FMN2: variants seen among roughly 807,000 people sequenced by gnomAD.
FMN2 encodes formin 2.
FMN2 carries 51 observed loss-of-function variants against 142.3 expected under a neutral mutation model. That is an observed-to-expected ratio of 0.36 (90% CI 0.29 to 0.45). FMN2 has a LOEUF of 0.45. Among genes scored for constraint, FMN2 ranks in the 20% least tolerant of loss-of-function variants. FMN2 has a pLI of 1.00. For synonymous variants in FMN2, 882 were observed against 869.8 expected, an observed-to-expected ratio of 1.01 and a Z score of -0.25; for missense variants, 1,936 against 2,122.8, an observed-to-expected ratio of 0.91 and a Z score of 1.73.
chr1:240,264,015 G>A (rs1668714739), intron 7 of FMN2, among the ~76,000 whole-genome samples: 1 of 152,138 alleles, frequency 6.6e-6, no homozygotes, highest in African/African-American at 2.4e-5. Context: ...TCCATCAGAA[G>A]TACAGTTGAT....
chr1:240,101,069 A>G (rs535050620), intron 1 of FMN2, among the ~76,000 whole-genome samples: 1 of 152,296 alleles, frequency 6.6e-6, no homozygotes, highest in East Asian at 1.9e-4. Flanking sequence ...TAGTGTCAGC[A>G]CTATGGGAAG....
intron 7 of FMN2, among the ~76,000 whole-genome samples, chr1:240,293,387 T>G (rs866677321): frequency 1.3e-5 from 2 of 152,146 alleles, no homozygotes; most frequent in Non-Finnish European, 2.9e-5. Flanking sequence ...GCTGATGAAT[T>G]CCAAAATCAG....
At chr1:240,470,838 TAA>T (rs5782143) in intron 16 of FMN2, among the ~76,000 whole-genome samples, 63,907 of 150,792 alleles carry the variant, frequency 0.42, 14,510 homozygotes, top group African/African-American at 0.6. Flanking sequence ...CCCTTTTTAT[TAA>T]AAAAAAAAAA....
intron 6 of FMN2, among the ~76,000 whole-genome samples, chr1:240,248,303 G>A (rs1668148543): frequency 6.6e-6 from 1 of 151,618 alleles, no homozygotes; most frequent in African/African-American, 2.4e-5. Flanking sequence ...TGCTGCAAAT[G>A]ACATGATTTT....
At chr1:240,327,408 G>C (rs1482429197) in intron 8 of FMN2, among the ~76,000 whole-genome samples, 2 of 152,106 alleles carry the variant, frequency 1.3e-5, no homozygotes, top group Non-Finnish European at 2.9e-5. Context: ...ACCTAGCTTT[G>C]TTTAGGTAGT....
At chr1:240,443,613 C>A (rs544947590) in intron 16 of FMN2, among the ~76,000 whole-genome samples, 1 of 152,114 alleles carries the variant, frequency 6.6e-6, no homozygotes, top group African/African-American at 2.4e-5. Flanking sequence ...ATTAGCCAGG[C>A]GTGTTGGTGC....
At chr1:240,096,215 G>A (rs996622045) in intron 1 of FMN2, among the ~76,000 whole-genome samples, 3 of 152,132 alleles carry the variant, frequency 2.0e-5, no homozygotes, top group Admixed American at 6.5e-5. Context: ...GATATACAAT[G>A]TTTTAAGGCC....
chr1:240,345,639 T>A (rs1572214729), intron 13 of FMN2, among the ~76,000 whole-genome samples: 1 of 152,140 alleles, frequency 6.6e-6, no homozygotes, highest in East Asian at 1.9e-4. Context: ...TGCACCACCA[T>A]GACCGGCTAA....
In FMN2 at chr1:240,270,844, A is replaced by G. The variant is rs1312092166; in HGVS notation, c.4153+12812A>G. 3.3e-5 allele frequency among the ~76,000 whole-genome samples: 5 copies of G among 152,024 alleles called. No individual in the cohort carries two copies. In the East Asian group the frequency reaches 9.7e-4, roughly 30 times the overall value. On this transcript the variant is annotated intron_variant, in intron 7 of 17. Transcript: ENST00000319653. ...GGTTACTAGAGGCTGAGGGGACAGG[A>G]TGGATGGGGAAAGGGGAGACTTGGT...
intron 14 of FMN2, among the ~76,000 whole-genome samples, chr1:240,391,475 C>T (rs76232920): frequency 0.03 from 4,531 of 152,216 alleles, 227 homozygotes; most frequent in African/African-American, 0.1. Flanking sequence ...ACTGTGTCTC[C>T]TAAGTTCTCC....
At chr1:240,442,807 G>C (rs1423049986) in intron 16 of FMN2, among the ~76,000 whole-genome samples, 1 of 152,152 alleles carries the variant, frequency 6.6e-6, no homozygotes, top group Non-Finnish European at 1.5e-5. Flanking sequence ...ACACATCCGT[G>C]TCGGATAGGG....
intron 2 of FMN2, among the ~76,000 whole-genome samples, chr1:240,159,695 T>C (rs561940500): frequency 1.1e-3 from 160 of 152,076 alleles, no homozygotes; most frequent in African/African-American, 3.7e-3. Context: ...CTAACCTGTT[T>C]GTGGGGAGCC....
intron 6 of FMN2, among the ~76,000 whole-genome samples, chr1:240,238,435 C>T (rs1363253638): frequency 6.6e-6 from 1 of 152,144 alleles, no homozygotes; most frequent in Admixed American, 6.5e-5. Context: ...ATCTCTTCAT[C>T]ATGTGTATGT....
At chr1:240,126,604 G>T (rs1441832053) in intron 2 of FMN2, among the ~76,000 whole-genome samples, 1 of 152,130 alleles carries the variant, frequency 6.6e-6, no homozygotes, top group Non-Finnish European at 1.5e-5. Flanking sequence ...TAGAAAGTAT[G>T]AAAAGACTTC....
At chr1:240,236,074 T>A (rs1572100929) in intron 6 of FMN2, among the ~76,000 whole-genome samples, 1 of 151,924 alleles carries the variant, frequency 6.6e-6, no homozygotes. Context: ...ACAAAGGAGG[T>A]GGGTGTGTGA....
At chr1:240,395,396 T>A (rs1283772625) in intron 15 of FMN2, among the ~76,000 whole-genome samples, 1 of 152,180 alleles carries the variant, frequency 6.6e-6, no homozygotes, top group Admixed American at 6.5e-5. Flanking sequence ...CAAGTCTTAT[T>A]AGTTAAGAAA....
At chr1:240,361,141 GTATATATATATATATATATATA>G (rs202070560) in intron 14 of FMN2, among the ~76,000 whole-genome samples, 783 of 43,246 alleles carry the variant, frequency 0.018, 17 homozygotes, top group East Asian at 0.11. Context: ...AAATATATGT[GTATATATATATATATATATATA>G]TATATATATA....
At chr1:240,445,786 T>G (rs1369147760) in intron 16 of FMN2, among the ~76,000 whole-genome samples, 1 of 150,742 alleles carries the variant, frequency 6.6e-6, no homozygotes, top group Non-Finnish European at 1.5e-5. Flanking sequence ...GGTAGTAAAT[T>G]GGAGAGTGGA....
chr1:240,271,320 GTTCA>G (rs555539772), intron 7 of FMN2, among the ~76,000 whole-genome samples: 93 of 151,352 alleles, frequency 6.1e-4, no homozygotes, highest in Non-Finnish European at 1.1e-3. Context: ...CCATAAGAAA[GTTCA>G]TTCATCATCA....
Sources: gnomAD v4.1 joint callset for allele counts (sites outside exome capture counted in the v4.1 genomes callset) on GRCh38, gnomAD v4.1.1 for gene constraint, MANE v1.5 for transcripts, NCBI Gene and HGNC (gene_info 2026-07-23, HGNC 2026-07-21) for gene names.